The following KIF6 variants were observed in gnomAD, a reference collection of about 807,000 sequenced individuals.
The protein encoded by KIF6 is kinesin family member 6.
A neutral mutation model predicts 112.7 loss-of-function variants in KIF6; 106 were observed. The observed-to-expected ratio is 0.94, with a 90% confidence interval of 0.80 to 1.11. The LOEUF is 1.11. Among genes scored for constraint, KIF6 ranks in the 50% least tolerant of loss-of-function variants. The pLI is 0.00. For synonymous variants in KIF6, 339 were observed against 339.9 expected (o/e 1.00, Z 0.03); for missense variants, 929 against 964.0 (o/e 0.96, Z 0.48).
intron 18 of KIF6, among the ~76,000 whole-genome samples, chr6:39,360,145 AT>A (rs1263018218): frequency 6.6e-6 from 1 of 152,212 alleles, no homozygotes; most frequent in Non-Finnish European, 1.5e-5. Context: ...AAACCCACTG[AT>A]TTTTGGGAGC....
intron 13 of KIF6, among the ~76,000 whole-genome samples, chr6:39,489,217 T>C (rs1775314236): frequency 1.3e-5 from 2 of 152,216 alleles, no homozygotes; most frequent in South Asian, 4.1e-4. Context: ...TGAATTTCTT[T>C]TGTGGGATTT....
At chr6:39,428,838 G>A (rs531008625) in intron 14 of KIF6, among the ~76,000 whole-genome samples, 39 of 152,306 alleles carry the variant, frequency 2.6e-4, no homozygotes, top group East Asian at 3.9e-4. Flanking sequence ...CACCTGCTGC[G>A]TCCTGCTTCA....
At chr6:39,685,661 G>C (rs2113786662) in intron 3 of KIF6, among the ~76,000 whole-genome samples, 1 of 152,324 alleles carries the variant, frequency 6.6e-6, no homozygotes, top group Non-Finnish European at 1.5e-5. Flanking sequence ...CATAGAGATA[G>C]AGTAGGTGGA....
intron 16 of KIF6, among the ~76,000 whole-genome samples, chr6:39,367,183 G>T (rs1216840626): frequency 1.3e-5 from 2 of 152,202 alleles, no homozygotes; most frequent in East Asian, 1.9e-4. Flanking sequence ...CTGAGGCTTG[G>T]CTCATCAGTA....
At chr6:39,565,228 G>C (rs867351763) in intron 10 of KIF6, among the ~76,000 whole-genome samples, 9 of 151,928 alleles carry the variant, frequency 5.9e-5, no homozygotes, top group African/African-American at 7.3e-5. Flanking sequence ...TAAGTTCTTT[G>C]TGCTCCTGAT....
At chr6:39,488,525 C>A (rs141497153) in intron 13 of KIF6, among the ~76,000 whole-genome samples, 10 of 152,150 alleles carry the variant, frequency 6.6e-5, no homozygotes, top group Admixed American at 5.2e-4. Context: ...TGGGTTAGGT[C>A]TCCTTCTGTG....
At chr6:39,622,623 T>C (rs1783889928) in intron 5 of KIF6, among the ~76,000 whole-genome samples, 1 of 152,228 alleles carries the variant, frequency 6.6e-6, no homozygotes, top group South Asian at 2.1e-4. Flanking sequence ...TATTAGGCTT[T>C]GATTTTGTTC....
At chr6:39,657,956 G>C (rs1481455281) in intron 3 of KIF6, among the ~76,000 whole-genome samples, 1 of 152,144 alleles carries the variant, frequency 6.6e-6, no homozygotes. Context: ...CTTAGATTCT[G>C]ACTGGTTCCA....
At chr6:39,592,966 C>T (rs1782035208) in intron 7 of KIF6, among the ~76,000 whole-genome samples, 1 of 152,142 alleles carries the variant, frequency 6.6e-6, no homozygotes, top group Non-Finnish European at 1.5e-5. Context: ...CCCATTCCAT[C>T]TCTGTCTTAT....
At chr6:39,533,460 G>C (rs1320021504) in intron 13 of KIF6, among the ~76,000 whole-genome samples, 1 of 152,234 alleles carries the variant, frequency 6.6e-6, no homozygotes, top group African/African-American at 2.4e-5. Context: ...GGCTGGGGGA[G>C]GGGCGCCCGC....
intron 13 of KIF6, among the ~76,000 whole-genome samples, chr6:39,463,563 A>G (rs1562239783): frequency 1.3e-5 from 2 of 152,228 alleles, no homozygotes; most frequent in Non-Finnish European, 2.9e-5. Flanking sequence ...CATTGAAATT[A>G]TAAAAGTGTA....
chr6:39,501,275 C>A (rs1484543964), intron 13 of KIF6, among the ~76,000 whole-genome samples: 1 of 152,072 alleles, frequency 6.6e-6, no homozygotes, highest in Non-Finnish European at 1.5e-5. Flanking sequence ...AAAAGAAAAA[C>A]AAACAAACAA....
chr6:39,361,730 C>T (rs1055482020), intron 17 of KIF6, among the ~76,000 whole-genome samples: 1 of 151,442 alleles, frequency 6.6e-6, no homozygotes, highest in African/African-American at 2.4e-5. Flanking sequence ...CTGCCAGGAG[C>T]GACCTGAAGA....
intron 13 of KIF6, among the ~76,000 whole-genome samples, chr6:39,449,287 C>T (rs1459768213): frequency 1.3e-5 from 2 of 152,238 alleles, no homozygotes; most frequent in Non-Finnish European, 2.9e-5. Context: ...TATACCCCAA[C>T]CTCCTCAGCC....
chr6:39,346,086 C>CTCTCCCTCT (rs1326236666), intron 20 of KIF6, among the ~76,000 whole-genome samples: 1 of 26,994 alleles, frequency 3.7e-5, no homozygotes, highest in Admixed American at 5.9e-4. Flanking sequence ...CTCTCTCTCT[C>CTCTCCCTCT]CCCCCCCTCT....
At chr6:39,648,722 T>A (rs1785307284) in intron 3 of KIF6, among the ~76,000 whole-genome samples, 1 of 152,158 alleles carries the variant, frequency 6.6e-6, no homozygotes, top group Non-Finnish European at 1.5e-5. Context: ...CACAGTGCAG[T>A]CCATGCGAAT....
intron 2 of KIF6, among the ~76,000 whole-genome samples, chr6:39,719,629 A>G (rs1582526778): frequency 6.6e-6 from 1 of 152,204 alleles, no homozygotes; most frequent in East Asian, 1.9e-4. Flanking sequence ...TGAAATAGCT[A>G]TACTCCCTAA....
intron 19 of KIF6, among the ~76,000 whole-genome samples, chr6:39,348,287 G>T (rs1763956022): frequency 6.6e-6 from 1 of 152,158 alleles, no homozygotes; most frequent in Admixed American, 6.5e-5. Context: ...CCAAACTATT[G>T]AAAGGTGGGA....
intron 12 of KIF6, among the ~76,000 whole-genome samples, chr6:39,541,597 G>A (rs1778790105): frequency 6.6e-6 from 1 of 152,210 alleles, no homozygotes; most frequent in South Asian, 2.1e-4. Flanking sequence ...CAATGACAAG[G>A]CAGAGTAGTT....
Sources: gnomAD v4.1 joint callset for allele counts (sites outside exome capture counted in the v4.1 genomes callset) on GRCh38, gnomAD v4.1.1 for gene constraint, MANE v1.5 for transcripts, NCBI Gene and HGNC (gene_info 2026-07-23, HGNC 2026-07-21) for gene names.